RBFOX1: variants seen among roughly 807,000 people sequenced by gnomAD.
The protein encoded by RBFOX1 is RNA binding protein fox-1 homolog 1.
A neutral mutation model predicts 57.7 loss-of-function variants in RBFOX1; 8 were observed. The observed-to-expected ratio is 0.14, with a 90% CI of 0.08 to 0.25. The LOEUF (loss-of-function observed/expected upper bound fraction) is 0.25, where lower values mean the gene tolerates loss of function less well. RBFOX1 is among the 10% of genes least tolerant of loss of function. The probability of loss-of-function intolerance (pLI) is 1.00; values close to 1 mark genes in which losing one functional copy is unlikely to be tolerated. For missense variants in RBFOX1, 611 were observed against 548.5 expected (o/e 1.11, Z -1.14); for synonymous variants, 326 against 222.4 (o/e 1.47, Z -4.15).
At chr16:6,407,569 CAGAG>C (rs71145224) in intron 2 of RBFOX1, among the ~76,000 whole-genome samples, 1,537 of 25,838 alleles carry the variant, frequency 0.059, 26 homozygotes, top group Non-Finnish European at 0.067. Flanking sequence ...GTGTGTGTGA[CAGAG>C]AGAGAGAGAG....
Position 6,436,930 on chromosome 16 carries a change from G to C in RBFOX1, c.-64+119873G>C, listed in dbSNP as rs924029412. On this transcript the variant is annotated intron_variant, in intron 2 of 15. Coordinates refer to ENST00000550418, the MANE Select transcript of RBFOX1 (RefSeq NM_018723.4). ...TTTATTATAAATTTTCTCTCCAGTC[G>C]ATGGGCATAGACATACTTCATCCCT... 2.6e-5 allele frequency among the ~76,000 whole-genome samples: 4 copies of C among 152,260 alleles called. No individual in the cohort carries two copies. The East Asian group carries it at 7.7e-4, about 29-fold the overall frequency.
At chr16:5,471,973 C>G (rs1250923723) in intron 2 of RBFOX1, among the ~76,000 whole-genome samples, 1 of 152,238 alleles carries the variant, frequency 6.6e-6, no homozygotes, top group East Asian at 1.9e-4. Context: ...TGTCACCTCC[C>G]CGACAGATGA....
At chr16:6,762,589 A>G (rs1399144725) in intron 3 of RBFOX1, among the ~76,000 whole-genome samples, 1 of 152,214 alleles carries the variant, frequency 6.6e-6, no homozygotes, top group Admixed American at 6.5e-5. Flanking sequence ...ATTCTCCTCA[A>G]GAATCTTAGA....
intron 4 of RBFOX1, among the ~76,000 whole-genome samples, chr16:5,898,278 T>C (rs560776221): frequency 6.6e-6 from 1 of 152,282 alleles, no homozygotes; most frequent in African/African-American, 2.4e-5. Flanking sequence ...GTGGGGTTTA[T>C]GGGAACTAAA....
intron 3 of RBFOX1, among the ~76,000 whole-genome samples, chr16:5,734,934 G>C (rs1597026859): frequency 6.6e-6 from 1 of 152,230 alleles, no homozygotes. Flanking sequence ...ACAGGGTTTG[G>C]CATATAGTAG....
chr16:6,781,703 T>G, intron 3 of RBFOX1, among the ~76,000 whole-genome samples: 1 of 152,172 alleles, frequency 6.6e-6, no homozygotes, highest in Non-Finnish European at 1.5e-5. Context: ...TTCCAAATCG[T>G]TGGCCTATAG....
At chr16:5,969,740 C>G (rs1243482722) in intron 4 of RBFOX1, among the ~76,000 whole-genome samples, 2 of 151,974 alleles carry the variant, frequency 1.3e-5, no homozygotes, top group East Asian at 3.9e-4. Context: ...AAAAAATTGT[C>G]CCTTGCTGTC....
intron 3 of RBFOX1, among the ~76,000 whole-genome samples, chr16:6,833,993 G>T (rs2092904554): frequency 1.3e-5 from 2 of 152,152 alleles, no homozygotes; most frequent in Non-Finnish European, 2.9e-5. Context: ...TTTGGACTGG[G>T]TTGTGAGTAC....
At chr16:6,649,440 T>G (rs2098558544) in intron 2 of RBFOX1, among the ~76,000 whole-genome samples, 1 of 152,126 alleles carries the variant, frequency 6.6e-6, no homozygotes, top group Non-Finnish European at 1.5e-5. Context: ...CAGTGGTGGT[T>G]TCTGAGATTT....
chr16:7,413,280 A>G (rs536521910), intron 4 of RBFOX1, among the ~76,000 whole-genome samples: 3 of 151,746 alleles, frequency 2.0e-5, no homozygotes, highest in African/African-American at 7.3e-5. Flanking sequence ...TCGCCTGTAA[A>G]CCATTCCTCT....
At chr16:6,227,303 T>C (rs1474114667) in intron 1 of RBFOX1, among the ~76,000 whole-genome samples, 2 of 152,144 alleles carry the variant, frequency 1.3e-5, no homozygotes, top group East Asian at 3.9e-4. Context: ...TCTAAGAATT[T>C]GAATTTTTTA....
chr16:5,806,109 T>G (rs534052295), intron 3 of RBFOX1, among the ~76,000 whole-genome samples: 1 of 152,330 alleles, frequency 6.6e-6, no homozygotes, highest in African/African-American at 2.4e-5. Context: ...GCCTCTCATG[T>G]CTTTACTAGC....
chr16:5,600,306 T>TAA (rs201494923), downstream of RBFOX1, among the ~76,000 whole-genome samples: 13 of 143,840 alleles, frequency 9.0e-5, no homozygotes, highest in African/African-American at 3.1e-4. Flanking sequence ...CTCAAAAAAA[T>TAA]AAAAAAAAAT....
chr16:6,270,914 G>T (rs1157054742), intron 1 of RBFOX1, among the ~76,000 whole-genome samples: 3 of 152,136 alleles, frequency 2.0e-5, no homozygotes, highest in African/African-American at 7.2e-5. Flanking sequence ...GCAAACATTT[G>T]GCCACTAGAC....
At chr16:6,710,291 C>T (rs182924667) in intron 3 of RBFOX1, among the ~76,000 whole-genome samples, 8 of 152,292 alleles carry the variant, frequency 5.3e-5, no homozygotes, top group Admixed American at 4.6e-4. Flanking sequence ...ATTAAAGCTG[C>T]ATATGTACTT....
intron 1 of RBFOX1, among the ~76,000 whole-genome samples, chr16:5,424,247 G>A (rs2067444029): frequency 6.6e-6 from 1 of 152,212 alleles, no homozygotes; most frequent in Non-Finnish European, 1.5e-5. Flanking sequence ...TGCATTGAGA[G>A]ACAGCGCCAC....
intron 4 of RBFOX1, among the ~76,000 whole-genome samples, chr16:7,446,215 G>T (rs894102599): frequency 6.6e-6 from 1 of 152,164 alleles, no homozygotes; most frequent in Admixed American, 6.5e-5. Context: ...ATTAAAGTTG[G>T]CTCTTGAGTC....
intron 3 of RBFOX1, among the ~76,000 whole-genome samples, chr16:6,837,762 A>G (rs1039118923): frequency 3.9e-5 from 6 of 152,216 alleles, no homozygotes. Flanking sequence ...AATACTTAAA[A>G]TAATTGTCAT....
intron 3 of RBFOX1, among the ~76,000 whole-genome samples, chr16:5,764,028 C>A (rs1426189811): frequency 6.6e-6 from 1 of 152,114 alleles, no homozygotes; most frequent in Admixed American, 6.5e-5. Context: ...ATTGCTGTAC[C>A]CCCGTGGTTA....
Sources: gnomAD v4.1 joint callset for allele counts (sites outside exome capture counted in the v4.1 genomes callset) on GRCh38, gnomAD v4.1.1 for gene constraint, MANE v1.5 for transcripts, NCBI Gene and HGNC (gene_info 2026-07-23, HGNC 2026-07-21) for gene names.